BLK: variants seen among roughly 807,000 people sequenced by gnomAD.
The protein encoded by BLK is tyrosine-protein kinase Blk.
Under a neutral mutation model 61.8 loss-of-function variants are expected in BLK, and 64 were observed. The ratio of observed to expected loss-of-function variants is 1.03; its 90% CI spans 0.85 to 1.27. The LOEUF (loss-of-function observed/expected upper bound fraction) is 1.27, where lower values mean the gene tolerates loss of function less well. BLK is among the 50% of genes most tolerant of loss of function. The pLI is 0.00. For missense variants in BLK, 853 were observed against 660.5 expected (o/e 1.29, Z -3.19); for synonymous variants, 351 against 272.0 (o/e 1.29, Z -2.86).
chr8:11,529,455 A>G (rs1799801432), intron 1 of BLK, among the ~76,000 whole-genome samples: 1 of 152,072 alleles, frequency 6.6e-6, no homozygotes, highest in African/African-American at 2.4e-5. Flanking sequence ...CACAGATCAG[A>G]TGAGCTGGTT....
chr8:11,512,158 A>G (rs534986173), intron 1 of BLK, among the ~76,000 whole-genome samples: 4 of 152,340 alleles, frequency 2.6e-5, no homozygotes, highest in African/African-American at 9.6e-5. Flanking sequence ...GTTCTATGCT[A>G]CTGGTCTGTA....
At chr8:11,498,010 C>A (rs958536029) in intron 1 of BLK, among the ~76,000 whole-genome samples, 1 of 152,232 alleles carries the variant, frequency 6.6e-6, no homozygotes, top group Non-Finnish European at 1.5e-5. Flanking sequence ...AGACGAGGCT[C>A]CTCCTTGTCC....
chr8:11,496,691 G>A (rs1457476985), intron 1 of BLK, among the ~76,000 whole-genome samples: 1 of 152,184 alleles, frequency 6.6e-6, no homozygotes, highest in Non-Finnish European at 1.5e-5. Context: ...TCTCCAGGAA[G>A]GAAGCAGAAA....
At chr8:11,497,934 C>T (rs1798416423) in intron 1 of BLK, among the ~76,000 whole-genome samples, 2 of 152,168 alleles carry the variant, frequency 1.3e-5, no homozygotes, top group Non-Finnish European at 1.5e-5. Flanking sequence ...GCAGTTGCAC[C>T]CACTCTCAAG....
At chr8:11,532,957 G>T (rs191646686) in intron 1 of BLK, among the ~76,000 whole-genome samples, 1 of 152,218 alleles carries the variant, frequency 6.6e-6, no homozygotes, top group African/African-American at 2.4e-5. Flanking sequence ...TAAGCCTCAA[G>T]GAGCCTGAGT....
intron 1 of BLK, among the ~76,000 whole-genome samples, chr8:11,534,062 G>A (rs925303831): frequency 9.2e-5 from 14 of 152,144 alleles, no homozygotes; most frequent in Admixed American, 7.9e-4. Flanking sequence ...GCATCACTGG[G>A]GGCATTTTTT....
chr8:11,546,508 C>A (rs1242254233), intron 3 of BLK, among the ~76,000 whole-genome samples: 1 of 152,170 alleles, frequency 6.6e-6, no homozygotes, highest in Non-Finnish European at 1.5e-5. Flanking sequence ...TTGTTTCCCG[C>A]TCCCAGTCAC....
chr8:11,560,875 G>A, intron 10 of BLK: 1 of 464,466 alleles, frequency 2.2e-6, no homozygotes, highest in Non-Finnish European at 4.3e-6. Flanking sequence ...ACTTCCCGAG[G>A]GCCTCCAGCT....
chr8:11,525,426 T>C (rs1799616676), intron 1 of BLK, among the ~76,000 whole-genome samples: 1 of 152,222 alleles, frequency 6.6e-6, no homozygotes, highest in South Asian at 2.1e-4. Context: ...AATGTGTTAA[T>C]AGACTCCTTT....
At chr8:11,505,498 C>T (rs1170105761) in intron 1 of BLK, among the ~76,000 whole-genome samples, 1 of 152,146 alleles carries the variant, frequency 6.6e-6, no homozygotes, top group East Asian at 1.9e-4. Context: ...TGAGTGAGGG[C>T]AAAGTTGTAA....
chr8:11,556,044 TGGTCCATGAGTGCTCCCTTACCTGGGGC>T (rs1801205304), intron 8 of BLK: 2 of 243,790 alleles, frequency 8.2e-6, no homozygotes, highest in Non-Finnish European at 1.6e-5. Context: ...TACCTGGGGC[TGGTCCATGAGTGCTCCCTTACCTGGGGC>T]TGATGCCCAC....
intron 1 of BLK, among the ~76,000 whole-genome samples, chr8:11,535,052 C>T (rs955355775): frequency 6.6e-6 from 1 of 151,912 alleles, no homozygotes; most frequent in African/African-American, 2.4e-5. Context: ...GCAGCACGTG[C>T]CTGTGGTCCT....
intron 1 of BLK, among the ~76,000 whole-genome samples, chr8:11,518,755 G>C (rs1476191610): frequency 2.0e-5 from 3 of 152,094 alleles, no homozygotes; most frequent in Non-Finnish European, 2.9e-5. Flanking sequence ...CCCTTCCCCA[G>C]CTGGTCTCTG....
intron 3 of BLK, among the ~76,000 whole-genome samples, chr8:11,546,422 C>G (rs1223745659): frequency 1.3e-5 from 2 of 152,230 alleles, no homozygotes; most frequent in African/African-American, 4.8e-5. Context: ...TGCTAACTCT[C>G]AAACGCAAAG....
In BLK at chr8:11,494,400, T is replaced by C. The variant is rs1309164526; in HGVS notation, c.-193T>C. 1 of 152,274 alleles carries C rather than the reference T, an allele frequency of 6.6e-6. No homozygotes were observed. The highest frequency in any genetic ancestry group is 1.5e-5 in the Non-Finnish European group (1 of 68,086). The allele number at this position is 152,274 out of a possible 1,614,324, so 9.4% of individuals were successfully genotyped here. On this transcript the variant is annotated 5_prime_UTR_variant, in exon 1 of 13. Coordinates refer to ENST00000259089, the MANE Select transcript of BLK (RefSeq NM_001715.3). ...GGCTCTGATCGCAGACCGGGGGTGCTGCCACCTCTGTCTGCTGCCGGCAGA... is the reference window on the plus strand; with the variant it reads ...GGCTCTGATCGCAGACCGGGGGTGCCGCCACCTCTGTCTGCTGCCGGCAGA...
chr8:11,536,328 A>G (rs898821594), intron 1 of BLK, among the ~76,000 whole-genome samples: 4 of 152,252 alleles, frequency 2.6e-5, no homozygotes, highest in African/African-American at 9.6e-5. Flanking sequence ...CCAGAAAACA[A>G]TTTTAAAGAT....
chr8:11,535,292 G>T (rs552642157), intron 1 of BLK, among the ~76,000 whole-genome samples: 81 of 142,636 alleles, frequency 5.7e-4, no homozygotes, highest in African/African-American at 2.0e-3. Flanking sequence ...AAGAAAGAAA[G>T]AAAGAAAGAA....
chr8:11,548,216 C>G, intron 4 of BLK, 91 bp downstream of exon 4: 1 of 1,151,226 alleles, frequency 8.7e-7, no homozygotes, highest in Non-Finnish European at 1.3e-6. Context: ...CCATGGCTGA[C>G]CCTGGAAGTC....
chr8:11,527,083 G>A (rs1393001504), intron 1 of BLK, among the ~76,000 whole-genome samples: 7 of 152,096 alleles, frequency 4.6e-5, no homozygotes, highest in Admixed American at 6.6e-5. Flanking sequence ...ATTCTTTCCT[G>A]TACGTGCATG....
Sources: gnomAD v4.1 joint callset for allele counts (sites outside exome capture counted in the v4.1 genomes callset) on GRCh38, gnomAD v4.1.1 for gene constraint, MANE v1.5 for transcripts, NCBI Gene and HGNC (gene_info 2026-07-23, HGNC 2026-07-21) for gene names.